The following MITF variants were observed in gnomAD, a reference collection of about 807,000 sequenced individuals.
MITF encodes melanocyte inducing transcription factor.
Under a neutral mutation model 60.5 loss-of-function variants are expected in MITF, and 17 were observed. That is an observed-to-expected ratio of 0.28 (90% CI 0.19 to 0.42). MITF has a LOEUF of 0.42. MITF is among the 10% of genes least tolerant of loss of function. The pLI is 1.00. For missense variants in MITF, 622 were observed against 683.5 expected, an observed-to-expected ratio of 0.91 and a Z score of 1.00; for synonymous variants, 260 against 248.5, an observed-to-expected ratio of 1.05 and a Z score of -0.43.
intron 2 of MITF, among the ~76,000 whole-genome samples, chr3:69,898,631 T>G (rs2064930196): frequency 6.6e-6 from 1 of 152,122 alleles, no homozygotes; most frequent in Admixed American, 6.5e-5. Context: ...GGGGGAGAAC[T>G]TATGAAGCAA....
At chr3:69,838,975 T>C (rs549517095) in intron 1 of MITF, among the ~76,000 whole-genome samples, 1 of 152,150 alleles carries the variant, frequency 6.6e-6, no homozygotes, top group Non-Finnish European at 1.5e-5. Flanking sequence ...TCCAATAAAT[T>C]AGGGTAGCAC....
At chr3:69,817,052 G>T (rs1356647119) in intron 1 of MITF, among the ~76,000 whole-genome samples, 1 of 152,116 alleles carries the variant, frequency 6.6e-6, no homozygotes, top group Non-Finnish European at 1.5e-5. Context: ...GGGTGTGGTA[G>T]CCAGAAGAGT....
chr3:69,791,590 G>A (rs969003166), intron 1 of MITF, among the ~76,000 whole-genome samples: 2 of 152,172 alleles, frequency 1.3e-5, no homozygotes, highest in African/African-American at 4.8e-5. Flanking sequence ...AAGAAGAATG[G>A]CTACTTATGC....
chr3:69,948,039 A>G (rs931963131), intron 5 of MITF, among the ~76,000 whole-genome samples: 3 of 152,196 alleles, frequency 2.0e-5, no homozygotes, highest in African/African-American at 7.2e-5. Context: ...TCTCAGATGT[A>G]GAATACAATT....
intron 3 of MITF, 77 bp downstream of exon 3, chr3:69,938,126 C>G: frequency 6.9e-7 from 1 of 1,447,134 alleles, no homozygotes; most frequent in Non-Finnish European, 9.6e-7. Context: ...CCACACTTAA[C>G]TGTGGACTCT....
At chr3:69,842,975 G>T (rs1480603546) in intron 1 of MITF, among the ~76,000 whole-genome samples, 1 of 152,172 alleles carries the variant, frequency 6.6e-6, no homozygotes, top group Non-Finnish European at 1.5e-5. Context: ...CTGGAGTCTG[G>T]AGGTGTGCCA....
At chr3:69,763,454 C>G (rs1469379691) in intron 1 of MITF, 70 of 976,534 alleles carry the variant, frequency 7.2e-5, no homozygotes, top group Non-Finnish European at 8.7e-5. Context: ...CTCCCTCCTT[C>G]CTGGCTGAAT....
chr3:69,953,272 A>G (rs941985246), intron 7 of MITF, among the ~76,000 whole-genome samples: 2 of 152,138 alleles, frequency 1.3e-5, no homozygotes, highest in Non-Finnish European at 2.9e-5. Flanking sequence ...ATCCAAAACT[A>G]CTTAAGTGAG....
At chr3:69,851,517 G>A (rs2063824095) in intron 1 of MITF, among the ~76,000 whole-genome samples, 1 of 152,198 alleles carries the variant, frequency 6.6e-6, no homozygotes, top group African/African-American at 2.4e-5. Flanking sequence ...CAATGTGGAT[G>A]AAGGTCAAAT....
At chr3:69,921,160 C>G (rs537051403) in intron 2 of MITF, among the ~76,000 whole-genome samples, 3 of 152,374 alleles carry the variant, frequency 2.0e-5, no homozygotes, top group East Asian at 3.9e-4. Flanking sequence ...GCGTGAGCCA[C>G]TGCACCCGGC....
rs1168723605 is a variant in MITF, at chr3:69,964,850, C to G, written c.1183C>G (p.Leu395Val). 6 of 1,614,056 alleles carry G rather than the reference C, an allele frequency of 3.7e-6. No homozygotes were observed. The highest frequency in any genetic ancestry group is 1.7e-5 in the Admixed American group (1 of 60,018). The change falls in exon 10 of 10, where the codon CTT becomes GTT. Residue 395 changes from leucine to valine, a missense_variant. This residue lies in a region of MITF where 224 missense variants were observed against 209.5 expected (regional missense o/e 1.07). Coordinates refer to ENST00000352241, the MANE Select transcript of MITF (RefSeq NM_001354604.2). The part of the protein sequence containing the change: ...NRHLLLRIQE[L>V]EMQARAHGLS... ...TTTATCTTTACTCTTATTATAGGAA[C>G]TTGAAATGCAGGCTCGAGCTCATGG...
chr3:69,771,124 T>C (rs2062387257), intron 1 of MITF, among the ~76,000 whole-genome samples: 1 of 152,178 alleles, frequency 6.6e-6, no homozygotes, highest in African/African-American at 2.4e-5. Context: ...CATGTTGGTT[T>C]CCTAAGTATT....
At chr3:69,936,805 AT>A (rs773853111) in intron 2 of MITF, 11 of 1,555,658 alleles carry the variant, frequency 7.1e-6, no homozygotes, top group Admixed American at 1.7e-5. Context: ...AATGCAATAA[AT>A]TGATTTAATC....
chr3:69,811,011 T>G (rs2063092682), intron 1 of MITF, among the ~76,000 whole-genome samples: 1 of 152,226 alleles, frequency 6.6e-6, no homozygotes, highest in South Asian at 2.1e-4. Context: ...GTTGAAGAAG[T>G]TCTGTAGATA....
intron 1 of MITF, among the ~76,000 whole-genome samples, chr3:69,824,121 T>G (rs1191668544): frequency 6.6e-6 from 1 of 152,182 alleles, no homozygotes; most frequent in Non-Finnish European, 1.5e-5. Context: ...TGTTTCAGAT[T>G]AAGACCAACT....
intron 1 of MITF, among the ~76,000 whole-genome samples, chr3:69,829,025 A>T (rs1006033265): frequency 9.9e-5 from 15 of 152,166 alleles, no homozygotes; most frequent in African/African-American, 3.6e-4. Flanking sequence ...TGCTTCATGA[A>T]CTGTGTGGTG....
intron 9 of MITF, among the ~76,000 whole-genome samples, chr3:69,961,069 G>A (rs12639523): frequency 0.27 from 40,389 of 152,066 alleles, 5,413 homozygotes; most frequent in East Asian, 0.32. Context: ...TTAATCTCTC[G>A]AACATAGTCT....
chr3:69,831,614 G>A (rs1225428044), intron 1 of MITF, among the ~76,000 whole-genome samples: 1 of 152,142 alleles, frequency 6.6e-6, no homozygotes. Context: ...GCATTTCAAG[G>A]AGCTGCCTTG....
At chr3:69,874,486 T>C (rs988732830) in intron 1 of MITF, among the ~76,000 whole-genome samples, 2 of 152,254 alleles carry the variant, frequency 1.3e-5, no homozygotes, top group African/African-American at 4.8e-5. Flanking sequence ...GCTAAGTTTT[T>C]CTATCTATTA....
Sources: allele counts gnomAD v4.1 joint callset (sites outside exome capture counted in the v4.1 genomes callset), GRCh38; gene constraint gnomAD v4.1.1; regional missense constraint gnomAD v4.1.1; transcripts MANE v1.5; gene names NCBI Gene and HGNC (gene_info 2026-07-23, HGNC 2026-07-21).